FAM222B: variants seen among roughly 807,000 people sequenced by gnomAD.
FAM222B encodes the protein protein FAM222B.
FAM222B carries 12 observed loss-of-function variants against 38.0 expected under a neutral mutation model. The ratio of observed to expected loss-of-function variants is 0.32; its 90% CI spans 0.20 to 0.51. The LOEUF (loss-of-function observed/expected upper bound fraction) is 0.51, where lower values mean the gene tolerates loss of function less well. Among genes scored for constraint, FAM222B ranks in the 20% least tolerant of loss-of-function variants. FAM222B has a pLI of 0.97. For synonymous variants in FAM222B, 329 were observed against 317.2 expected (o/e 1.04, Z -0.40); for missense variants, 716 against 754.2 (o/e 0.95, Z 0.59).
intron 1 of FAM222B, among the ~76,000 whole-genome samples, chr17:28,828,950 C>A (rs1054879479): frequency 1.3e-5 from 2 of 151,832 alleles, no homozygotes; most frequent in African/African-American, 4.8e-5. Context: ...TATCACCGGG[C>A]TGAAGTGCAG....
chr17:28,784,491 TAAAAAAAAAAA>T (rs559624246), intron 1 of FAM222B, among the ~76,000 whole-genome samples: 39 of 36,032 alleles, frequency 1.1e-3, no homozygotes, highest in East Asian at 3.3e-3. Flanking sequence ...TCCCCTCTCT[TAAAAAAAAAAA>T]AAAAAAAAAA....
At chr17:28,848,290 G>A (rs1567914837) in intron 1 of FAM222B, among the ~76,000 whole-genome samples, 3 of 152,122 alleles carry the variant, frequency 2.0e-5, no homozygotes, top group Admixed American at 2.0e-4. Flanking sequence ...TCATGGGCTA[G>A]AGAATGTTAT....
chr17:28,846,436 C>T (rs2039146723), upstream of FAM222B, among the ~76,000 whole-genome samples: 1 of 151,896 alleles, frequency 6.6e-6, no homozygotes, highest in South Asian at 2.1e-4. Context: ...AATGTCATCA[C>T]TTTGGGAGGT....
At chr17:28,833,033 A>G (rs2038719897) in intron 1 of FAM222B, among the ~76,000 whole-genome samples, 1 of 142,210 alleles carries the variant, frequency 7.0e-6, no homozygotes, top group Admixed American at 7.1e-5. Flanking sequence ...AAAAAAAAAA[A>G]GGAAAGGGGC....
chr17:28,837,625 A>G (rs1204628303), intron 1 of FAM222B, among the ~76,000 whole-genome samples: 1 of 151,590 alleles, frequency 6.6e-6, no homozygotes, highest in Non-Finnish European at 1.5e-5. Flanking sequence ...AGACAGAAAT[A>G]GATATTAAAT....
intron 1 of FAM222B, among the ~76,000 whole-genome samples, chr17:28,805,963 G>A (rs1373422920): frequency 6.6e-6 from 1 of 152,086 alleles, no homozygotes; most frequent in Non-Finnish European, 1.5e-5. Flanking sequence ...CCAACATGGA[G>A]AAACCCCATC....
intron 1 of FAM222B, among the ~76,000 whole-genome samples, chr17:28,831,515 T>C (rs952661672): frequency 1.8e-4 from 27 of 150,124 alleles, no homozygotes; most frequent in African/African-American, 6.4e-4. Context: ...TTTTTTTTTT[T>C]TTTTTTTTTG....
intron 1 of FAM222B, among the ~76,000 whole-genome samples, chr17:28,802,270 G>A (rs1269232065): frequency 1.3e-5 from 2 of 151,928 alleles, no homozygotes; most frequent in Admixed American, 1.3e-4. Context: ...ACTAATTTTT[G>A]TATTTTTAGT....
rs191936183 is a variant in FAM222B at position 28,768,602 on chromosome 17, C to T, written c.-40-1895G>A. 6.1e-4 allele frequency among the ~76,000 whole-genome samples: 92 copies of T among 151,912 alleles called. No individual in the cohort carries two copies. In the East Asian group the frequency reaches 7.1e-3, roughly 12 times the overall value. On this transcript the variant is annotated intron_variant, in intron 1 of 2. Coordinates refer to ENST00000581407, the MANE Select transcript of FAM222B (RefSeq NM_001077498.3). ...CTGTAATCCCAGCACTTTGGGAGGC[C>T]GAGGCGGGCAGATTACCTGAGGTCA...
chr17:28,768,603 G>A (rs1332083619), intron 1 of FAM222B, among the ~76,000 whole-genome samples: 2 of 151,998 alleles, frequency 1.3e-5, no homozygotes, highest in African/African-American at 4.8e-5. Flanking sequence ...TTGGGAGGCC[G>A]AGGCGGGCAG....
At chr17:28,852,084 G>A (rs555991265) in intron 1 of FAM222B, among the ~76,000 whole-genome samples, 24 of 151,616 alleles carry the variant, frequency 1.6e-4, no homozygotes, top group African/African-American at 4.4e-4. Flanking sequence ...AAAAAGCAAC[G>A]TGGCCTGGCG....
intron 1 of FAM222B, among the ~76,000 whole-genome samples, chr17:28,801,324 G>T (rs2037212794): frequency 1.3e-5 from 2 of 151,528 alleles, no homozygotes; most frequent in South Asian, 2.1e-4. Context: ...GATGTGGCGG[G>T]CGCCTGTAGT....
intron 1 of FAM222B, among the ~76,000 whole-genome samples, chr17:28,838,778 G>A (rs915361891): frequency 6.6e-6 from 1 of 151,264 alleles, no homozygotes; most frequent in Admixed American, 6.6e-5. Flanking sequence ...ATGGTGGTAC[G>A]CGCCTGTAAT....
intron 1 of FAM222B, among the ~76,000 whole-genome samples, chr17:28,804,643 G>A (rs550271726): frequency 1.3e-5 from 2 of 152,052 alleles, no homozygotes; most frequent in South Asian, 2.1e-4. Flanking sequence ...CTCTAATATA[G>A]ATTTTATATT....
chr17:28,827,038 T>G (rs1415233082), intron 1 of FAM222B, among the ~76,000 whole-genome samples: 2 of 152,028 alleles, frequency 1.3e-5, no homozygotes, highest in East Asian at 3.8e-4. Context: ...TCCTAGCTAC[T>G]TGGGAGGCTG....
At chr17:28,822,822 AAAAAAAAAAAATATATATATATATATAT>A (rs2038290984) in intron 1 of FAM222B, among the ~76,000 whole-genome samples, 2 of 97,256 alleles carry the variant, frequency 2.1e-5, no homozygotes, top group Non-Finnish European at 3.8e-5. Context: ...AAAAAAAAAA[AAAAAAAAAAAATATATATATATATATAT>A]ATATATATAT....
chr17:28,846,669 A>C (rs1032518334), upstream of FAM222B, among the ~76,000 whole-genome samples: 1 of 152,088 alleles, frequency 6.6e-6, no homozygotes, highest in African/African-American at 2.4e-5. Context: ...CAGTAAGAAT[A>C]AAATTTTCCT....
chr17:28,766,819 T>C (rs1239717122), intron 1 of FAM222B, 112 bp from the exon 2 acceptor site: 1 of 603,276 alleles, frequency 1.7e-6, no homozygotes, highest in Non-Finnish European at 3.0e-6. Flanking sequence ...ATAAAGCAAT[T>C]TAATTAGCAG....
At chr17:28,835,095 G>C (rs906454988) in intron 1 of FAM222B, among the ~76,000 whole-genome samples, 5 of 150,850 alleles carry the variant, frequency 3.3e-5, no homozygotes, top group Admixed American at 2.7e-4. Context: ...GCCCAGGCTA[G>C]AGTGCAGTGG....
Sources: allele counts gnomAD v4.1 joint callset (sites outside exome capture counted in the v4.1 genomes callset), GRCh38; gene constraint gnomAD v4.1.1; transcripts MANE v1.5; gene names NCBI Gene and HGNC (gene_info 2026-07-23, HGNC 2026-07-21).